Variants in TCF7L1 observed in about 807,000 individuals in gnomAD.
TCF7L1 encodes the protein transcription factor 7 like 1.
In TCF7L1, 18 loss-of-function variants were observed where a neutral mutation model predicts 63.7. That is an observed-to-expected ratio of 0.28 (90% CI 0.20 to 0.42). TCF7L1 has a LOEUF of 0.42. Ranked by LOEUF, TCF7L1 falls within the 10% of genes least tolerant of loss-of-function variation. TCF7L1 has a pLI of 1.00. For missense variants in TCF7L1, 654 were observed against 779.3 expected, an observed-to-expected ratio of 0.84 and a Z score of 1.91; for synonymous variants, 355 against 340.9, an observed-to-expected ratio of 1.04 and a Z score of -0.46.
intron 3 of TCF7L1, among the ~76,000 whole-genome samples, chr2:85,169,572 T>C (rs1678499537): frequency 6.6e-6 from 1 of 152,116 alleles, no homozygotes; most frequent in South Asian, 2.1e-4. Context: ...CTACCTGTCA[T>C]TTATCTATGT....
intron 3 of TCF7L1, among the ~76,000 whole-genome samples, chr2:85,239,080 C>A (rs555329973): frequency 1.6e-3 from 250 of 152,078 alleles, no homozygotes; most frequent in Non-Finnish European, 2.9e-3. Flanking sequence ...ATGACTAAAT[C>A]TGATATAAAA....
At chr2:85,224,311 G>A (rs1350231663) in intron 3 of TCF7L1, among the ~76,000 whole-genome samples, 1 of 152,114 alleles carries the variant, frequency 6.6e-6, no homozygotes, top group Non-Finnish European at 1.5e-5. Flanking sequence ...CCCAGTAATG[G>A]GATTGCTGGG....
chr2:85,192,347 A>G (rs1038296494), intron 3 of TCF7L1, among the ~76,000 whole-genome samples: 3 of 152,210 alleles, frequency 2.0e-5, no homozygotes, highest in Non-Finnish European at 2.9e-5. Flanking sequence ...AACAGTATGT[A>G]TTAAATGAGA....
chr2:85,262,162 C>G (rs1573015173), intron 3 of TCF7L1: 2 of 546,716 alleles, frequency 3.7e-6, no homozygotes, highest in Non-Finnish European at 7.4e-6. Context: ...TTCGTATACT[C>G]ATTAAAACCA....
chr2:85,161,193 A>T (rs1435901892), intron 3 of TCF7L1, among the ~76,000 whole-genome samples: 1 of 152,222 alleles, frequency 6.6e-6, no homozygotes, highest in East Asian at 1.9e-4. Context: ...TTGACTCTGG[A>T]GTCTCCAGGA....
chr2:85,211,265 T>C (rs1187044659), intron 3 of TCF7L1, among the ~76,000 whole-genome samples: 2 of 152,220 alleles, frequency 1.3e-5, no homozygotes, highest in African/African-American at 4.8e-5. Context: ...CGATGGAGAC[T>C]ATCAACAATA....
At chr2:85,213,213 AG>A (rs955923796) in intron 3 of TCF7L1, among the ~76,000 whole-genome samples, 38 of 152,196 alleles carry the variant, frequency 2.5e-4, no homozygotes, top group African/African-American at 8.7e-4. Context: ...GGGTGGGAGC[AG>A]CCATGACAAG....
chr2:85,155,356 T>C (rs947913938), intron 3 of TCF7L1, among the ~76,000 whole-genome samples: 3 of 152,210 alleles, frequency 2.0e-5, no homozygotes, highest in African/African-American at 7.2e-5. Context: ...CAACGCTCTG[T>C]GGAAGCTTTG....
At chr2:85,203,918 G>T (rs1360856063) in intron 3 of TCF7L1, among the ~76,000 whole-genome samples, 2 of 152,148 alleles carry the variant, frequency 1.3e-5, no homozygotes, top group Non-Finnish European at 2.9e-5. Flanking sequence ...GATAATAGAT[G>T]AAAAGAACGC....
intron 3 of TCF7L1, among the ~76,000 whole-genome samples, chr2:85,256,640 A>G (rs761548021): frequency 2.0e-5 from 3 of 152,210 alleles, no homozygotes; most frequent in Non-Finnish European, 4.4e-5. Context: ...TTGCTTCTGC[A>G]ACTTATAATC....
chr2:85,271,233 C>T (rs1020177264), intron 3 of TCF7L1, among the ~76,000 whole-genome samples: 12 of 152,116 alleles, frequency 7.9e-5, no homozygotes, highest in African/African-American at 2.7e-4. Context: ...CTGCCTCAGC[C>T]TCCCAAGTAG....
At chr2:85,294,607 T>A (rs1681803030) in intron 4 of TCF7L1, among the ~76,000 whole-genome samples, 1 of 152,112 alleles carries the variant, frequency 6.6e-6, no homozygotes, top group Non-Finnish European at 1.5e-5. Context: ...CATGTCAAAT[T>A]ATTGATTGCT....
intron 3 of TCF7L1, among the ~76,000 whole-genome samples, chr2:85,146,393 C>T (rs1677879759): frequency 6.6e-6 from 1 of 152,016 alleles, no homozygotes; most frequent in Admixed American, 6.5e-5. Context: ...CATGAAAATG[C>T]CATTTGGGGC....
At chr2:85,259,676 A>C in intron 3 of TCF7L1, among the ~76,000 whole-genome samples, 1 of 152,160 alleles carries the variant, frequency 6.6e-6, no homozygotes, top group Non-Finnish European at 1.5e-5. Flanking sequence ...TTCCTTGGAG[A>C]ATAATCTTTT....
intron 3 of TCF7L1, chr2:85,262,166 A>G: frequency 1.8e-6 from 1 of 547,152 alleles, no homozygotes; most frequent in African/African-American, 1.9e-5. Context: ...TATACTCATT[A>G]AAACCAATGA....
rs988315058 is a variant in TCF7L1, at chr2:85,283,730, T to C, written c.525+152T>C. 6.0e-6 allele frequency: 5 copies of C among 828,634 alleles called. No individual in the cohort carries two copies. The Admixed American group carries it at 9.7e-5, about 16-fold the overall frequency. 51.3% of individuals were successfully genotyped at this position (828,634 alleles called of 1,614,324 possible). ...TGAGGAAGAGCTGAGTGCTTGGGGC[T>C]AACAATTGGGTTGTGACCTCAACAC... is the stretch of plus-strand genomic sequence containing the variant. On this transcript the variant is annotated intron_variant, in intron 4 of 11. Coordinates refer to ENST00000282111, the MANE Select transcript of TCF7L1 (RefSeq NM_031283.3).
In TCF7L1 at chr2:85,136,520, G is replaced by A. The variant is rs113210760; in HGVS notation, c.441+2070G>A. Among the ~76,000 whole-genome samples, 945 of 152,230 alleles carry A rather than the reference G, an allele frequency of 6.2e-3. 12 individuals carry two copies. The highest frequency in any genetic ancestry group is 0.02 in the African/African-American group (851 of 41,538). On this transcript the variant is annotated intron_variant, in intron 3 of 11. Transcript: ENST00000282111. ...ACTGTCCTTGTTCATCTCTGCAGTT[G>A]TTCCCTGCCCTGGCCCAGGCACCAG...
intron 4 of TCF7L1, among the ~76,000 whole-genome samples, chr2:85,301,725 G>A (rs904249930): frequency 2.0e-5 from 3 of 152,172 alleles, no homozygotes; most frequent in Middle Eastern, 3.2e-3. Context: ...ATGAGACTTG[G>A]TAGTATGAGG....
chr2:85,227,517 A>T (rs1336997681), intron 3 of TCF7L1, among the ~76,000 whole-genome samples: 1 of 152,178 alleles, frequency 6.6e-6, no homozygotes, highest in African/African-American at 2.4e-5. Context: ...TATTTTAATA[A>T]TAACAAAAAG....
Sources: allele counts gnomAD v4.1 joint callset (sites outside exome capture counted in the v4.1 genomes callset), GRCh38; gene constraint gnomAD v4.1.1; transcripts MANE v1.5; gene names NCBI Gene and HGNC (gene_info 2026-07-23, HGNC 2026-07-21).